The following KIF16B variants were observed in gnomAD, a reference collection of about 807,000 sequenced individuals.
KIF16B encodes the protein kinesin family member 16B.
A neutral mutation model predicts 156.3 loss-of-function variants in KIF16B; 98 were observed. The ratio of observed to expected loss-of-function variants is 0.63; its 90% CI spans 0.53 to 0.74. The LOEUF (loss-of-function observed/expected upper bound fraction) is 0.74, where lower values mean the gene tolerates loss of function less well. Ranked by LOEUF, KIF16B falls within the 30% of genes least tolerant of loss-of-function variation. KIF16B has a pLI of 0.00. For missense variants in KIF16B, 1,421 were observed against 1,606.5 expected (o/e 0.88, Z 1.97); for synonymous variants, 564 against 583.7 (o/e 0.97, Z 0.49).
chr20:16,371,074 A>G (rs2064806355), intron 21 of KIF16B, among the ~76,000 whole-genome samples: 1 of 152,196 alleles, frequency 6.6e-6, no homozygotes, highest in African/African-American at 2.4e-5. Context: ...AGAATTAAAA[A>G]GTATTTTAGA....
chr20:16,310,966 C>T (rs1458903793), intron 25 of KIF16B, among the ~76,000 whole-genome samples: 3 of 152,200 alleles, frequency 2.0e-5, no homozygotes, highest in Non-Finnish European at 4.4e-5. Flanking sequence ...CTCCTTTGCT[C>T]CCACTTCTCT....
intron 25 of KIF16B, among the ~76,000 whole-genome samples, chr20:16,299,880 T>C (rs2063446169): frequency 6.6e-6 from 1 of 152,190 alleles, no homozygotes; most frequent in African/African-American, 2.4e-5. Flanking sequence ...ACTTTTACAA[T>C]TTATACTAAC....
At chr20:16,504,105 A>G (rs988207307) in intron 10 of KIF16B, among the ~76,000 whole-genome samples, 2 of 152,238 alleles carry the variant, frequency 1.3e-5, no homozygotes, top group Non-Finnish European at 2.9e-5. Context: ...ATCCTATTGC[A>G]TAGTACATTT....
chr20:16,284,540 T>G (rs2063194524), intron 25 of KIF16B, among the ~76,000 whole-genome samples: 1 of 152,158 alleles, frequency 6.6e-6, no homozygotes, highest in African/African-American at 2.4e-5. Context: ...ACTTCAAATC[T>G]CCGCTTCCTC....
intron 17 of KIF16B, among the ~76,000 whole-genome samples, chr20:16,396,601 A>T (rs1202096805): frequency 6.6e-6 from 1 of 151,550 alleles, no homozygotes; most frequent in Non-Finnish European, 1.5e-5. Flanking sequence ...CAGTGGAAGA[A>T]ACAGAGGTAT....
chr20:16,523,470 C>T (rs1160852636), intron 3 of KIF16B, among the ~76,000 whole-genome samples: 1 of 152,120 alleles, frequency 6.6e-6, no homozygotes, highest in Non-Finnish European at 1.5e-5. Context: ...AGGAATACAA[C>T]TTACAAGGGA....
intron 22 of KIF16B, among the ~76,000 whole-genome samples, chr20:16,363,145 G>A (rs986776373): frequency 6.6e-6 from 1 of 152,206 alleles, no homozygotes. Flanking sequence ...GAAGGGTTGT[G>A]TATAATGCAG....
chr20:16,348,424 C>T (rs1196387185), intron 23 of KIF16B, among the ~76,000 whole-genome samples: 1 of 152,164 alleles, frequency 6.6e-6, no homozygotes, highest in Non-Finnish European at 1.5e-5. Context: ...AAATACTACC[C>T]CCATTTTGGT....
chr20:16,354,396 A>T (rs2064395700), intron 23 of KIF16B, among the ~76,000 whole-genome samples: 1 of 151,746 alleles, frequency 6.6e-6, no homozygotes, highest in African/African-American at 2.4e-5. Context: ...TCTAATTAAA[A>T]AACACAGTCA....
intron 20 of KIF16B, among the ~76,000 whole-genome samples, chr20:16,372,856 C>T (rs916934499): frequency 1.3e-5 from 2 of 152,200 alleles, no homozygotes; most frequent in African/African-American, 4.8e-5. Flanking sequence ...CGCCACCACA[C>T]CCGGCTAATT....
chr20:16,330,908 T>C (rs1458030217), intron 24 of KIF16B, among the ~76,000 whole-genome samples: 1 of 152,210 alleles, frequency 6.6e-6, no homozygotes, highest in Non-Finnish European at 1.5e-5. Flanking sequence ...CACATGCCCA[T>C]GTGGGGCTCA....
At chr20:16,512,610 C>T (rs927798241) in intron 5 of KIF16B, among the ~76,000 whole-genome samples, 3 of 152,164 alleles carry the variant, frequency 2.0e-5, no homozygotes, top group African/African-American at 7.2e-5. Flanking sequence ...TTATTTCTGC[C>T]AGCTCCCAAA....
At chr20:16,302,321 G>GT (rs1424843019) in intron 25 of KIF16B, among the ~76,000 whole-genome samples, 1 of 152,130 alleles carries the variant, frequency 6.6e-6, no homozygotes, top group Non-Finnish European at 1.5e-5. Flanking sequence ...GTCTAGATTG[G>GT]TTTTTTTGCA....
intron 1 of KIF16B, among the ~76,000 whole-genome samples, chr20:16,558,581 C>T (rs1245506878): frequency 6.6e-6 from 1 of 152,196 alleles, no homozygotes; most frequent in East Asian, 1.9e-4. Context: ...AGATAAACTT[C>T]TTTGGTATCT....
rs529318575 is a variant in KIF16B at position 16,285,197 on chromosome 20, A to G, written c.3796-11786T>C. Among the ~76,000 whole-genome samples the G allele has an allele frequency of 8.5e-5, 13 of 152,320 alleles. 1 individual carries two copies. The South Asian group carries it at 2.7e-3, about 32-fold the overall frequency. The stretch of plus-strand genomic sequence containing the variant: ...CTACTGTACTGGATAGCACAGTTCT[A>G]CACTAAGATTCTGGAGTAACCATGC... On this transcript the variant is annotated intron_variant, in intron 25 of 25. Transcript: ENST00000354981.
chr20:16,537,123 A>G (rs564464911), intron 1 of KIF16B, among the ~76,000 whole-genome samples: 2 of 152,248 alleles, frequency 1.3e-5, no homozygotes, highest in Middle Eastern at 3.4e-3. Flanking sequence ...AGAGCCTTCC[A>G]TAAAACACAT....
intron 4 of KIF16B, among the ~76,000 whole-genome samples, chr20:16,514,899 A>G (rs1281500364): frequency 7.0e-6 from 1 of 142,946 alleles, no homozygotes; most frequent in Non-Finnish European, 1.6e-5. Context: ...AAAAAAAAAA[A>G]AAAAAAAAAA....
At chr20:16,296,615 G>A (rs1440170882) in intron 25 of KIF16B, among the ~76,000 whole-genome samples, 1 of 152,196 alleles carries the variant, frequency 6.6e-6, no homozygotes, top group Non-Finnish European at 1.5e-5. Context: ...GAGCTGGGGA[G>A]ATGACAGATG....
intron 17 of KIF16B, chr20:16,382,238 A>G (rs2065116013): frequency 8.0e-6 from 4 of 501,410 alleles, no homozygotes; most frequent in Non-Finnish European, 1.3e-5. Flanking sequence ...TAAGGTACTT[A>G]AAAGGCAATA....
Sources: gnomAD v4.1 joint callset for allele counts (sites outside exome capture counted in the v4.1 genomes callset) on GRCh38, gnomAD v4.1.1 for gene constraint, MANE v1.5 for transcripts, NCBI Gene and HGNC (gene_info 2026-07-23, HGNC 2026-07-21) for gene names.